The following WDR86 variants were observed in gnomAD, a reference collection of about 807,000 sequenced individuals.
The protein encoded by WDR86 is WD repeat-containing protein 86.
A neutral mutation model predicts 36.5 loss-of-function variants in WDR86; 30 were observed. The ratio of observed to expected loss-of-function variants is 0.82; its 90% CI spans 0.61 to 1.11. WDR86 has a LOEUF of 1.11. Among genes scored for constraint, WDR86 ranks in the 50% most tolerant of loss-of-function variants. The pLI is 0.00. For synonymous variants in WDR86, 255 were observed against 252.9 expected, an observed-to-expected ratio of 1.01 and a Z score of -0.08; for missense variants, 545 against 561.2, an observed-to-expected ratio of 0.97 and a Z score of 0.29.
chr7:151,386,260 C>T lies in WDR86; in HGVS notation c.727-1037G>A, dbSNP rs538302146. 5.9e-5 allele frequency among the ~76,000 whole-genome samples: 9 copies of T among 152,326 alleles called. No individual in the cohort carries two copies. The South Asian group carries it at 1.2e-3, about 21-fold the overall frequency. ...CACGCTCTGGGCCACTTTCCACTGC[C>T]GGTTCCCCATATTATCTCCCTGTTC... On this transcript the variant is annotated intron_variant, in intron 3 of 5. Transcript: ENST00000334493.
chr7:151,381,071 C>A (rs1798526391), downstream of WDR86: 2 of 1,089,220 alleles, frequency 1.8e-6, no homozygotes, highest in East Asian at 7.5e-5. The surrounding 1 kb of genome is among the most constrained non-coding windows in gnomAD (Gnocchi z 4.8). Context: ...ATCCCAAGCT[C>A]CAAAAAGAAG....
intron 4 of WDR86, 77 bp downstream of exon 4, chr7:151,385,011 A>G: frequency 6.8e-7 from 1 of 1,461,882 alleles, no homozygotes; most frequent in East Asian, 2.3e-5. Flanking sequence ...ATGAGGGAAA[A>G]TCCCATAGGA....
Position 151,409,894 on chromosome 7 carries a change from C to G in WDR86, c.-305G>C. ...CCCAGCACCGCTCGGAGGATCCACA[C>G]CCCACCGGGCGAACAAGGCAGCTGC... On this transcript the variant is annotated 5_prime_UTR_variant, in exon 1 of 6. Coordinates refer to ENST00000334493, the MANE Select transcript of WDR86 (RefSeq NM_198285.3). This position sits in a 1 kb window ranked among gnomAD's most constrained non-coding sequence, Gnocchi z 5.2. The G allele has an allele frequency of 1.8e-6, 2 of 1,137,320 alleles. No homozygotes were observed. The highest frequency in any genetic ancestry group is 8.7e-5 in the South Asian group (2 of 22,982). The allele number at this position is 1,137,320 out of a possible 1,614,324, so 70.5% of individuals were successfully genotyped here. A position where few individuals can be genotyped will look rare whatever the true frequency, so the allele number is the denominator to read the frequency against.
the WDR86 span, among the ~76,000 whole-genome samples, chr7:151,369,910 C>T: frequency 6.6e-6 from 1 of 152,302 alleles, no homozygotes; most frequent in Non-Finnish European, 1.5e-5. Context: ...GGTTGTTTGC[C>T]TACCTGATGC....
rs62490300 is a variant in WDR86, at chr7:151,397,770, C to T, written c.306-1574G>A. Among the ~76,000 whole-genome samples, 278 of 35,498 alleles carry T rather than the reference C, an allele frequency of 7.8e-3. 8 individuals are homozygous for T. Among genetic ancestry groups the T allele is most frequent in the African/African-American group, 0.02 (153 of 7,712 alleles). 23.3% of individuals were successfully genotyped at this position (35,498 alleles called of 152,430 possible). A position where few individuals can be genotyped will look rare whatever the true frequency, so the allele number is the denominator to read the frequency against. ...AGAGGGTGTAGCGGGAGGAAGAGGG[C>T]GTAGCAGGAGGAAGGGCATAGCGGG... On this transcript the variant is annotated intron_variant, in intron 2 of 5. Coordinates refer to ENST00000334493, the MANE Select transcript of WDR86 (RefSeq NM_198285.3).
At chr7:151,369,795 C>G in the WDR86 span, among the ~76,000 whole-genome samples, 2 of 152,202 alleles carry the variant, frequency 1.3e-5, no homozygotes, top group Admixed American at 1.3e-4. Flanking sequence ...TCTCTAGAAT[C>G]TTCACATGTA....
intron 3 of WDR86, among the ~76,000 whole-genome samples, chr7:151,394,950 C>G (rs1266851983): frequency 6.6e-6 from 1 of 152,226 alleles, no homozygotes; most frequent in African/African-American, 2.4e-5. Flanking sequence ...AAAAACTTCT[C>G]AATTTTTGGA....
rs772874825 is a variant in WDR86 at position 151,390,383 on chromosome 7, C to T, written c.727-5160G>A. On this transcript the variant is annotated intron_variant, in intron 3 of 5. Coordinates refer to ENST00000334493, the MANE Select transcript of WDR86 (RefSeq NM_198285.3). This position sits in a 1 kb window ranked among gnomAD's most constrained non-coding sequence, Gnocchi z 4.5. ...GTGAAAAAGGAGTCCCCCCAACCCC[C>T]ACAGTCAGGAAGCCTCCGGAAGTTG... 4.6e-5 allele frequency among the ~76,000 whole-genome samples: 7 copies of T among 152,336 alleles called. No homozygotes were observed. The highest frequency in any genetic ancestry group is 2.1e-4 in the South Asian group (1 of 4,832).
At position 151,409,341 on chromosome 7, in the gene WDR86, G is replaced by T; in HGVS notation, c.163+86C>A. 1 of 1,523,264 alleles carries T rather than the reference G, an allele frequency of 6.6e-7. No individual in the cohort carries two copies. The highest frequency in any genetic ancestry group is 8.9e-7 in the Non-Finnish European group (1 of 1,126,016). The allele number at this position is 1,523,264 out of a possible 1,614,324, so 94.4% of individuals were successfully genotyped here. On this transcript the variant is annotated intron_variant, in intron 1 of 5. Transcript: ENST00000334493. This position sits in a 1 kb window ranked among gnomAD's most constrained non-coding sequence, Gnocchi z 5.2. Reference sequence around the variant, plus strand: ...GAGCGGGGGCTGGACTTCTAGAAAGGGGTCTGCGGGCGCAGGAGCTGGGGT... The same window carrying T: ...GAGCGGGGGCTGGACTTCTAGAAAGTGGTCTGCGGGCGCAGGAGCTGGGGT...
At chr7:151,385,866 C>T (rs1401789959) in intron 3 of WDR86, among the ~76,000 whole-genome samples, 1 of 152,144 alleles carries the variant, frequency 6.6e-6, no homozygotes, top group Non-Finnish European at 1.5e-5. Context: ...ACGGGAGTAG[C>T]GGCCCCAGGG....
chr7:151,408,916 T>C (rs1410902548), intron 1 of WDR86: 2 of 471,540 alleles, frequency 4.2e-6, no homozygotes, highest in East Asian at 1.4e-4. Context: ...CACGTCTGTA[T>C]GTGGGGTAAC....
chr7:151,400,380 TTTG>T (rs761424235), intron 1 of WDR86, 139 bp from the exon 2 acceptor site: 15 of 960,352 alleles, frequency 1.6e-5, no homozygotes, highest in Non-Finnish European at 2.2e-5. Flanking sequence ...TAGCATTAGT[TTTG>T]TTTTGTTTTG....
intron 3 of WDR86, among the ~76,000 whole-genome samples, chr7:151,392,308 C>T (rs965154243): frequency 2.0e-5 from 3 of 151,940 alleles, no homozygotes; most frequent in Non-Finnish European, 2.9e-5. Context: ...GCCCCCTGCA[C>T]CCCCAGCCTC....
At position 151,404,887 on chromosome 7, in the gene WDR86, C is replaced by T. The variant is rs758697230; in HGVS notation, c.163+4540G>A. 3.9e-5 allele frequency among the ~76,000 whole-genome samples: 6 copies of T among 152,184 alleles called. No homozygotes were observed. The East Asian group carries it at 5.8e-4, about 15-fold the overall frequency. On this transcript the variant is annotated intron_variant, in intron 1 of 5. Coordinates refer to ENST00000334493, the MANE Select transcript of WDR86 (RefSeq NM_198285.3). ...CCTGCTGGTGGCGGGTCTCTGCCGGCGGTGGGCTGCAGTGGGCCTGGTGCC... is the reference window on the plus strand; with the variant it reads ...CCTGCTGGTGGCGGGTCTCTGCCGGTGGTGGGCTGCAGTGGGCCTGGTGCC...
intron 3 of WDR86, among the ~76,000 whole-genome samples, chr7:151,387,182 G>A (rs1406060852): frequency 1.3e-5 from 2 of 152,174 alleles, no homozygotes; most frequent in Non-Finnish European, 2.9e-5. Flanking sequence ...AGACCTCCAA[G>A]GACTGGCCAG....
chr7:151,373,038 T>C (rs1279013061), downstream of WDR86, among the ~76,000 whole-genome samples: 1 of 152,158 alleles, frequency 6.6e-6, no homozygotes, highest in Non-Finnish European at 1.5e-5. Flanking sequence ...GGTTCCACAA[T>C]GATGATGCTT....
exon 2 of WDR86, chr7:151,376,051 T>C: frequency 1.3e-6 from 1 of 757,160 alleles, no homozygotes; most frequent in Non-Finnish European, 2.4e-6. Flanking sequence ...TGCTGAAACC[T>C]TGGCTCCCAG....
downstream of WDR86, chr7:151,374,264 T>C: frequency 6.4e-7 from 1 of 1,550,776 alleles, no homozygotes; most frequent in Non-Finnish European, 8.7e-7. Flanking sequence ...CCTCGGGGCC[T>C]CTGGCCTTGT....
Position 151,406,328 on chromosome 7 carries a change from A to G in WDR86, c.163+3099T>C, listed in dbSNP as rs1800700098. On this transcript the variant is annotated intron_variant, in intron 1 of 5. Coordinates refer to ENST00000334493, the MANE Select transcript of WDR86 (RefSeq NM_198285.3). This position sits in a 1 kb window ranked among gnomAD's most constrained non-coding sequence, Gnocchi z 4.4. ...CCCAAACTTTCCTAAGCTCTGCGAG[A>G]CACCCAGGAAAGCCTGCGGTCCCTG... 6.6e-6 allele frequency among the ~76,000 whole-genome samples: 1 copy of G among 152,124 alleles called. No homozygotes were observed. The highest frequency in any genetic ancestry group is 1.5e-5 in the Non-Finnish European group (1 of 68,028).
Sources: gnomAD v4.1 joint callset for allele counts (sites outside exome capture counted in the v4.1 genomes callset) on GRCh38, gnomAD v4.1.1 for gene constraint, Gnocchi (gnomAD v3.1) non-coding constraint, MANE v1.5 for transcripts, NCBI Gene and HGNC (gene_info 2026-07-23, HGNC 2026-07-21) for gene names.